The following ZFR variants were observed in gnomAD, a reference collection of about 807,000 sequenced individuals.
The protein encoded by ZFR is zinc finger RNA binding protein, also known as zinc finger RNA-binding protein.
In ZFR, 19 loss-of-function variants were observed where a neutral mutation model predicts 130.7. The ratio of observed to expected loss-of-function variants is 0.15; its 90% CI spans 0.10 to 0.21. ZFR has a LOEUF of 0.21. Ranked by LOEUF, ZFR falls within the 10% of genes least tolerant of loss-of-function variation. The pLI is 1.00. For missense variants in ZFR, 872 were observed against 1,321.5 expected (o/e 0.66, Z 5.27); for synonymous variants, 466 against 456.9 (o/e 1.02, Z -0.25).
chr5:32,413,690 A>T (rs1429833409), intron 5 of ZFR, among the ~76,000 whole-genome samples: 1 of 152,170 alleles, frequency 6.6e-6, no homozygotes, highest in Admixed American at 6.5e-5. Flanking sequence ...AAATGTGACT[A>T]ATCAGATTTC....
chr5:32,428,182 G>A lies in ZFR; in HGVS notation c.138-8079C>T, dbSNP rs550903883. Among the ~76,000 whole-genome samples the A allele has an allele frequency of 2.6e-5, 4 of 152,316 alleles. No individual in the cohort carries two copies. The East Asian group carries it at 5.8e-4, about 22-fold the overall frequency. ...TCTGTGTGGCACTGTGGGAGGCCGAGGTGGGCAGATCACCTGAAGTCAGGA... is the reference window on the plus strand; with the variant it reads ...TCTGTGTGGCACTGTGGGAGGCCGAAGTGGGCAGATCACCTGAAGTCAGGA... On this transcript the variant is annotated intron_variant, in intron 2 of 19. Coordinates refer to ENST00000265069, the MANE Select transcript of ZFR (RefSeq NM_016107.5).
In ZFR at chr5:32,398,880, G is replaced by A. The variant is rs532759114; in HGVS notation, c.1713+1127C>T. Among the ~76,000 whole-genome samples, 14 of 151,860 alleles carry A rather than the reference G, an allele frequency of 9.2e-5. No homozygotes were observed. The South Asian group carries it at 2.3e-3, about 25-fold the overall frequency. On this transcript the variant is annotated intron_variant, in intron 9 of 19. Coordinates refer to ENST00000265069, the MANE Select transcript of ZFR (RefSeq NM_016107.5). Reference sequence around the variant, plus strand: ...TGGCCTCAAGTGATTCACCCACCTCGGCCTCCCAAAGTGCTGCAATTACAG... The same window carrying A: ...TGGCCTCAAGTGATTCACCCACCTCAGCCTCCCAAAGTGCTGCAATTACAG...
intron 6 of ZFR, among the ~76,000 whole-genome samples, chr5:32,405,138 ACTTTC>A (rs1317937657): frequency 3.3e-5 from 5 of 152,216 alleles, no homozygotes; most frequent in Non-Finnish European, 5.9e-5. Context: ...GCTGGATGGG[ACTTTC>A]CTTTCATTAT....
At chr5:32,408,335 A>C (rs1753624389) in intron 5 of ZFR, among the ~76,000 whole-genome samples, 1 of 150,592 alleles carries the variant, frequency 6.6e-6, no homozygotes, top group African/African-American at 2.5e-5. Flanking sequence ...AAAAAAAAAA[A>C]AACTAGAAGA....
rs566209360 is a variant in ZFR, at chr5:32,412,000, T to G, written c.784+2969A>C. Reference sequence around the variant, plus strand: ...TTCATAGTAATAACAAAAAAAGAAGTGGAAGGAGGGAACTCTAGAGAAGAA... The same window carrying G: ...TTCATAGTAATAACAAAAAAAGAAGGGGAAGGAGGGAACTCTAGAGAAGAA... On this transcript the variant is annotated intron_variant, in intron 5 of 19. Coordinates refer to ENST00000265069, the MANE Select transcript of ZFR (RefSeq NM_016107.5). Among the ~76,000 whole-genome samples, 11 of 151,572 alleles carry G rather than the reference T, an allele frequency of 7.3e-5. No homozygotes were observed. In the East Asian group the frequency reaches 2.1e-3, roughly 29 times the overall value.
At chr5:32,359,773 AC>A (rs1275222138) in intron 19 of ZFR, among the ~76,000 whole-genome samples, 1 of 152,092 alleles carries the variant, frequency 6.6e-6, no homozygotes, top group East Asian at 1.9e-4. Flanking sequence ...ACATGGTGAA[AC>A]CCCGTCTCTA....
chr5:32,373,478 G>A (rs1302900591), intron 17 of ZFR, among the ~76,000 whole-genome samples: 1 of 152,166 alleles, frequency 6.6e-6, no homozygotes, highest in Non-Finnish European at 1.5e-5. Flanking sequence ...CATTACCTAT[G>A]CAGCCAAAAC....
chr5:32,373,627 A>G (rs1020012389), intron 17 of ZFR, among the ~76,000 whole-genome samples: 1 of 152,184 alleles, frequency 6.6e-6, no homozygotes, highest in African/African-American at 2.4e-5. Context: ...AGGTAAAATC[A>G]TAAGGTAATA....
rs746516543 is a variant in ZFR, at chr5:32,422,256, A to G, written c.138-2153T>C. Among the ~76,000 whole-genome samples, 162 of 152,120 alleles carry G rather than the reference A, an allele frequency of 1.1e-3. 1 individual carries two copies. Among genetic ancestry groups the G allele is most frequent in the Non-Finnish European group, 1.7e-3 (118 of 68,016 alleles). On this transcript the variant is annotated intron_variant, in intron 2 of 19. Coordinates refer to ENST00000265069, the MANE Select transcript of ZFR (RefSeq NM_016107.5). ...TAAATGTCCATGAGACTCAAGAAGG[A>G]ATGACCATATGTTCTGGTTAATGCC...
At chr5:32,415,523 C>CGCGTGCGCGT (rs1554073621) in intron 4 of ZFR, among the ~76,000 whole-genome samples, 12 of 132,036 alleles carry the variant, frequency 9.1e-5, no homozygotes, top group Non-Finnish European at 1.8e-4. Context: ...TGTGCGCGCG[C>CGCGTGCGCGT]GCGCGCGCGC....
intron 19 of ZFR, among the ~76,000 whole-genome samples, chr5:32,356,890 T>C (rs953882720): frequency 6.6e-6 from 1 of 152,226 alleles, no homozygotes; most frequent in African/African-American, 2.4e-5. Flanking sequence ...CTGATTAATA[T>C]ATCCACTAGT....
At chr5:32,363,918 A>G (rs375972884) in intron 19 of ZFR, 30 bp downstream of exon 19, 10 of 1,585,434 alleles carry the variant, frequency 6.3e-6, no homozygotes, top group Admixed American at 3.4e-5. Flanking sequence ...GAGTAACCCA[A>G]TAGGGCTCTG....
chr5:32,397,128 T>C, intron 10 of ZFR, 91 bp downstream of exon 10: 1 of 1,454,024 alleles, frequency 6.9e-7, no homozygotes. Flanking sequence ...GCAAGCTGTG[T>C]TTAGATGCTT....
At chr5:32,419,475 C>T (rs1753905139) in intron 3 of ZFR, among the ~76,000 whole-genome samples, 1 of 152,054 alleles carries the variant, frequency 6.6e-6, no homozygotes, top group African/African-American at 2.4e-5. Flanking sequence ...GTAGCTGGGA[C>T]TACAGGTGCG....
intron 4 of ZFR, among the ~76,000 whole-genome samples, chr5:32,416,913 TC>T (rs1174338051): frequency 1.7e-4 from 4 of 24,002 alleles, no homozygotes; most frequent in East Asian, 6.3e-4. Flanking sequence ...CCATTTTTTT[TC>T]TTTTTTTTTT....
chr5:32,441,622 G>A (rs1343877304), intron 2 of ZFR, among the ~76,000 whole-genome samples: 2 of 152,122 alleles, frequency 1.3e-5, no homozygotes, highest in African/African-American at 2.4e-5. Flanking sequence ...GTAGACCTTG[G>A]TCTTCCATCT....
At chr5:32,428,975 CTTTTT>C (rs576959110) in intron 2 of ZFR, among the ~76,000 whole-genome samples, 17 of 91,196 alleles carry the variant, frequency 1.9e-4, no homozygotes, top group African/African-American at 3.6e-4. Flanking sequence ...CTTCTTACAT[CTTTTT>C]TTTTTTTTTT....
At chr5:32,404,371 C>T (rs1753533459) in intron 6 of ZFR, among the ~76,000 whole-genome samples, 2 of 152,064 alleles carry the variant, frequency 1.3e-5, no homozygotes, top group African/African-American at 4.8e-5. Flanking sequence ...AAAATTTTAT[C>T]TTTTGTTGCT....
chr5:32,376,374 C>T (rs567329670), intron 17 of ZFR, among the ~76,000 whole-genome samples: 2 of 152,094 alleles, frequency 1.3e-5, no homozygotes, highest in South Asian at 4.1e-4. Context: ...GTGCCAGGCA[C>T]AGTGGCTCAT....
Sources: gnomAD v4.1 joint callset for allele counts (sites outside exome capture counted in the v4.1 genomes callset) on GRCh38, gnomAD v4.1.1 for gene constraint, MANE v1.5 for transcripts, NCBI Gene and HGNC (gene_info 2026-07-23, HGNC 2026-07-21) for gene names.